BTBD16: variants seen among roughly 807,000 people sequenced by gnomAD.
The protein encoded by BTBD16 is BTB/POZ domain-containing protein 16.
In BTBD16, 66 loss-of-function variants were observed where a neutral mutation model predicts 67.4. The ratio of observed to expected loss-of-function variants is 0.98; its 90% CI spans 0.80 to 1.20. The LOEUF (loss-of-function observed/expected upper bound fraction) is 1.20, where lower values mean the gene tolerates loss of function less well. BTBD16 is among the 50% of genes most tolerant of loss of function. The probability of loss-of-function intolerance (pLI) is 0.00; values close to 1 mark genes in which losing one functional copy is unlikely to be tolerated. For synonymous variants in BTBD16, 242 were observed against 236.4 expected (o/e 1.02, Z -0.22); for missense variants, 634 against 616.0 (o/e 1.03, Z -0.31).
At chr10:122,306,635 A>G (rs1343116501) in intron 9 of BTBD16, among the ~76,000 whole-genome samples, 1 of 152,218 alleles carries the variant, frequency 6.6e-6, no homozygotes, top group Non-Finnish European at 1.5e-5. Flanking sequence ...GGCCAGAGCT[A>G]AGGTGAAGTG....
intron 10 of BTBD16, among the ~76,000 whole-genome samples, chr10:122,326,977 C>T (rs957108068): frequency 1.3e-4 from 20 of 152,346 alleles, no homozygotes; most frequent in African/African-American, 4.8e-4. Flanking sequence ...TCCCTCCCAT[C>T]TTACGTGACA....
At chr10:122,320,153 A>G (rs1163360167) in intron 10 of BTBD16, among the ~76,000 whole-genome samples, 2 of 152,092 alleles carry the variant, frequency 1.3e-5, no homozygotes, top group Admixed American at 6.5e-5. Context: ...AAAAAAGACA[A>G]TTTTATTTCT....
rs986296888 is a variant in BTBD16 at position 122,307,313 on chromosome 10, T to C, written c.911+5T>C. The stretch of plus-strand genomic sequence containing the variant: ...CGTGATGACATTTTTTAAGAGGTAA[T>C]ATAACTTAGTGTTGATTGATGAAAT... On this transcript the variant is annotated splice_donor_5th_base_variant and intron_variant, in intron 10 of 15. Transcript: ENST00000260723. 8 of 1,602,122 alleles carry C rather than the reference T, an allele frequency of 5.0e-6. No individual in the cohort carries two copies. The highest frequency in any genetic ancestry group is 3.3e-4 in the Middle Eastern group (2 of 6,002).
At chr10:122,298,941 A>G in intron 8 of BTBD16, 63 bp from the exon 9 acceptor site, 2 of 1,593,572 alleles carry the variant, frequency 1.3e-6, no homozygotes, top group South Asian at 2.3e-5. Flanking sequence ...GTGTCGTCTC[A>G]GGCCAGCAGA....
intron 6 of BTBD16, among the ~76,000 whole-genome samples, chr10:122,290,853 T>A (rs2096372647): frequency 6.6e-6 from 1 of 152,132 alleles, no homozygotes; most frequent in African/African-American, 2.4e-5. Context: ...TAAAGGAGGA[T>A]CCTTTCAGCA....
chr10:122,323,949 C>T (rs2142122141), intron 10 of BTBD16, among the ~76,000 whole-genome samples: 1 of 152,294 alleles, frequency 6.6e-6, no homozygotes, highest in South Asian at 2.1e-4. Flanking sequence ...GATTTATAAT[C>T]ACTAAATAGG....
intron 10 of BTBD16, among the ~76,000 whole-genome samples, chr10:122,326,981 C>T (rs879812083): frequency 1.3e-5 from 2 of 152,202 alleles, no homozygotes; most frequent in African/African-American, 2.4e-5. Context: ...TCCCATCTTA[C>T]GTGACACCAT....
chr10:122,285,773 A>G (rs1326836231), intron 4 of BTBD16, among the ~76,000 whole-genome samples: 1 of 152,100 alleles, frequency 6.6e-6, no homozygotes, highest in Non-Finnish European at 1.5e-5. Flanking sequence ...GCCCCAGACA[A>G]TGTCCTCGTT....
chr10:122,299,235 C>T, intron 9 of BTBD16, 101 bp downstream of exon 9: 1 of 1,365,914 alleles, frequency 7.3e-7, no homozygotes, highest in Non-Finnish European at 9.9e-7. Context: ...GCACCCCCAC[C>T]TTAAGCTTCC....
At chr10:122,282,405 G>A (rs1321363411) in intron 3 of BTBD16, among the ~76,000 whole-genome samples, 1 of 152,138 alleles carries the variant, frequency 6.6e-6, no homozygotes, top group Non-Finnish European at 1.5e-5. Context: ...TCCCCCCTTG[G>A]AAAGGGCAGC....
chr10:122,320,151 C>T (rs2096432981), intron 10 of BTBD16, among the ~76,000 whole-genome samples: 1 of 152,008 alleles, frequency 6.6e-6, no homozygotes, highest in South Asian at 2.1e-4. Context: ...TAAAAAAAGA[C>T]AATTTTATTT....
At chr10:122,272,874 C>T (rs1045022879) in intron 1 of BTBD16, among the ~76,000 whole-genome samples, 2 of 151,952 alleles carry the variant, frequency 1.3e-5, no homozygotes, top group Non-Finnish European at 2.9e-5. Flanking sequence ...TAGAAAATTG[C>T]GGAAAACCTA....
chr10:122,310,702 T>C (rs75816870), intron 10 of BTBD16, among the ~76,000 whole-genome samples: 5,368 of 152,148 alleles, frequency 0.035, 312 homozygotes, highest in African/African-American at 0.12. Flanking sequence ...ATTTTAAAAA[T>C]TGCAAATATT....
At position 122,307,198 on chromosome 10, in the gene BTBD16, CT is replaced by C; in HGVS notation, c.804del (p.Phe268LeufsTer7). 6.2e-7 allele frequency: 1 copy of C among 1,600,062 alleles called. No individual in the cohort carries two copies. Among genetic ancestry groups the C allele is most frequent in the African/African-American group, 1.3e-5 (1 of 74,252 alleles). Reference protein sequence around the residue: ...KVLKSPRLFTFSEFHLLKTML... With the variant: ...KVLKSPRLFTXSEFHLLKTML... ...TTTTTATTTTGGCCAGGTTATTTAC[CT>C]TTAGTGAATTCCATCTTCTGAAAAC... On this transcript the variant is annotated frameshift_variant, in exon 10 of 16. Transcript: ENST00000260723. LOFTEE classifies it high-confidence loss of function.
chr10:122,285,663 G>A (rs1339675987), intron 4 of BTBD16, among the ~76,000 whole-genome samples: 1 of 151,986 alleles, frequency 6.6e-6, no homozygotes, highest in Non-Finnish European at 1.5e-5. Context: ...CAGTGCACGG[G>A]ACAGCACCCC....
At chr10:122,298,888 T>C in intron 8 of BTBD16, 116 bp from the exon 9 acceptor site, 1 of 1,364,790 alleles carries the variant, frequency 7.3e-7, no homozygotes. Flanking sequence ...GTAGAAAAGG[T>C]TTGAGCGCCT....
intron 4 of BTBD16, 135 bp from the exon 5 acceptor site, chr10:122,285,970 T>C (rs1292182783): frequency 2.3e-6 from 2 of 861,998 alleles, no homozygotes; most frequent in African/African-American, 1.7e-5. Context: ...CTTTCTGAGA[T>C]GCCTGGGGAG....
chr10:122,327,667 G>C (rs1382922861), intron 10 of BTBD16: 1 of 983,738 alleles, frequency 1.0e-6, no homozygotes, highest in Non-Finnish European at 1.2e-6. Flanking sequence ...AGGCCCCAAG[G>C]GGTCATAAAG....
intron 7 of BTBD16, chr10:122,295,514 AG>A: frequency 1.0e-6 from 1 of 984,994 alleles, no homozygotes; most frequent in Non-Finnish European, 1.2e-6. Flanking sequence ...GTTTAGGCTG[AG>A]CCCCTCCTGT....
Sources: allele counts gnomAD v4.1 joint callset (sites outside exome capture counted in the v4.1 genomes callset), GRCh38; gene constraint gnomAD v4.1.1; transcripts MANE v1.5; gene names NCBI Gene and HGNC (gene_info 2026-07-23, HGNC 2026-07-21).